Variants in MPHOSPH8 observed in about 807,000 individuals in gnomAD.
MPHOSPH8 encodes the protein M-phase phosphoprotein, mpp.
MPHOSPH8 carries 45 observed loss-of-function variants against 87.3 expected under a neutral mutation model. That is an observed-to-expected ratio of 0.52 (90% CI 0.41 to 0.66). The LOEUF (loss-of-function observed/expected upper bound fraction) is 0.66, where lower values mean the gene tolerates loss of function less well. Among genes scored for constraint, MPHOSPH8 ranks in the 30% least tolerant of loss-of-function variants. MPHOSPH8 has a pLI of 0.00. For synonymous variants in MPHOSPH8, 366 were observed against 376.9 expected, an observed-to-expected ratio of 0.97 and a Z score of 0.33; for missense variants, 883 against 1,020.2, an observed-to-expected ratio of 0.87 and a Z score of 1.83.
intron 5 of MPHOSPH8, among the ~76,000 whole-genome samples, chr13:19,656,277 CAAAAAA>C (rs71198922): frequency 1.4e-5 from 1 of 72,246 alleles, no homozygotes; most frequent in Non-Finnish European, 2.3e-5. Context: ...AGACTGTTGT[CAAAAAA>C]AAAAAAAAAA....
At chr13:19,646,226 C>A (rs909838564) in intron 2 of MPHOSPH8, among the ~76,000 whole-genome samples, 1 of 152,112 alleles carries the variant, frequency 6.6e-6, no homozygotes, top group African/African-American at 2.4e-5. Flanking sequence ...TCTGTGCACC[C>A]CTGCCTTCCA....
chr13:19,645,254 A>G (rs1874505836), intron 2 of MPHOSPH8, among the ~76,000 whole-genome samples: 1 of 152,168 alleles, frequency 6.6e-6, no homozygotes, highest in Non-Finnish European at 1.5e-5. Context: ...TCCACACCAC[A>G]TGGGCCTTAC....
At chr13:19,648,252 T>G (rs779522412) in intron 3 of MPHOSPH8, among the ~76,000 whole-genome samples, 170 bp from the exon 4 acceptor site, 11 of 152,048 alleles carry the variant, frequency 7.2e-5, no homozygotes, top group Non-Finnish European at 1.5e-4. Context: ...TATGGTTGAC[T>G]GAGGAAGCAA....
Position 19,663,143 on chromosome 13 carries a change from G to A in MPHOSPH8, c.2019+17G>A, listed in dbSNP as rs779460949. On this transcript the variant is annotated intron_variant, in intron 9 of 13. Transcript: ENST00000361479. ...CTGATGAAGGTAAATCCCTCCTGCA[G>A]GTCATCCCTTTCTTCACTACGTTGG... 20 of 1,601,500 alleles carry A rather than the reference G, an allele frequency of 1.2e-5. No individual in the cohort carries two copies. The highest frequency in any genetic ancestry group is 3.3e-5 in the Admixed American group (2 of 59,872).
Position 19,656,684 on chromosome 13 carries a change from G to A in MPHOSPH8, c.1577-2311G>A, listed in dbSNP as rs9551938. On this transcript the variant is annotated intron_variant, in intron 5 of 13. Transcript: ENST00000361479. The stretch of plus-strand genomic sequence containing the variant: ...CTGAGGCAGGAGAATCGCTTCAACC[G>A]GGAAGGCGGAGGTTGCAGTGAGCTG... Among the ~76,000 whole-genome samples the A allele has an allele frequency of 2.1e-4, 32 of 151,190 alleles. No individual in the cohort carries two copies. In the East Asian group the frequency reaches 3.6e-3, roughly 17 times the overall value.
At chr13:19,671,356 T>A in intron 13 of MPHOSPH8, 67 bp downstream of exon 13, 2 of 1,442,026 alleles carry the variant, frequency 1.4e-6, no homozygotes, top group South Asian at 1.2e-5. Flanking sequence ...TTTATCAACA[T>A]TAGAAAAAAA....
Position 19,647,296 on chromosome 13 carries a change from G to A in MPHOSPH8, c.1218+5G>A, listed in dbSNP as rs764714174. The A allele has an allele frequency of 5.7e-6, 9 of 1,575,172 alleles. No homozygotes were observed. Among genetic ancestry groups the A allele is most frequent in the Non-Finnish European group, 7.7e-6 (9 of 1,167,158 alleles). Reference sequence around the variant, plus strand: ...TCCACGGACTCAGCCGAGGAGGTAAGGGCCACGGGAGGCAGCAGAAAACCC... The same window carrying A: ...TCCACGGACTCAGCCGAGGAGGTAAAGGCCACGGGAGGCAGCAGAAAACCC... On this transcript the variant is annotated splice_donor_5th_base_variant and intron_variant, in intron 3 of 13. Coordinates refer to ENST00000361479, the MANE Select transcript of MPHOSPH8 (RefSeq NM_017520.4).
chr13:19,655,323 C>T (rs1009210263), intron 5 of MPHOSPH8, among the ~76,000 whole-genome samples: 1 of 151,996 alleles, frequency 6.6e-6, no homozygotes, highest in Non-Finnish European at 1.5e-5. Context: ...ATTAAAAAAG[C>T]TGGGTGTGGT....
intron 5 of MPHOSPH8, among the ~76,000 whole-genome samples, chr13:19,655,753 C>T (rs1875123743): frequency 6.6e-6 from 1 of 152,098 alleles, no homozygotes; most frequent in Non-Finnish European, 1.5e-5. Context: ...CAACATTATA[C>T]TAAGGTCTAC....
At chr13:19,669,512 A>AC (rs1172384034) in intron 11 of MPHOSPH8, among the ~76,000 whole-genome samples, 4 of 82,116 alleles carry the variant, frequency 4.9e-5, no homozygotes, top group East Asian at 4.6e-4. Context: ...GCATCCACCA[A>AC]CTTTTTTTTT....
At chr13:19,660,460 G>A (rs899024711) in intron 7 of MPHOSPH8, among the ~76,000 whole-genome samples, 8 of 152,070 alleles carry the variant, frequency 5.3e-5, no homozygotes, top group Admixed American at 3.9e-4. Context: ...TAGCTTAGCT[G>A]TGGATTTTTT....
In MPHOSPH8 at chr13:19,659,004, A is replaced by G. The variant is rs1386398253; in HGVS notation, c.1586A>G (p.Gln529Arg). Residue 529 changes from glutamine to arginine, a missense_variant, in exon 6 of 14, where the codon CAG becomes CGG. Physicochemically the swap from Gln to Arg is conservative, Grantham distance 43 (BLOSUM62 1). Around this residue, in one of 3 missense-constraint regions of MPHOSPH8, gnomAD observed 741 missense variants for 841.5 expected, o/e 0.88. Coordinates refer to ENST00000361479, the MANE Select transcript of MPHOSPH8 (RefSeq NM_017520.4). ...CTATTGTGTGTTCCAGATGGCAGGC[A>G]GCAGATTCTGAGTTTGGGCATGGAC... ...CQADENSDGR[Q>R]QILSLGMDLQ... The G allele has an allele frequency of 6.2e-7, 1 of 1,613,180 alleles. No individual in the cohort carries two copies. The highest frequency in any genetic ancestry group is 2.2e-5 in the East Asian group (1 of 44,866).
chr13:19,644,911 T>C (rs1593471366), intron 2 of MPHOSPH8, among the ~76,000 whole-genome samples: 1 of 152,356 alleles, frequency 6.6e-6, no homozygotes, highest in South Asian at 2.1e-4. Flanking sequence ...TTCTGTTTTA[T>C]AGACATGTCT....
intron 1 of MPHOSPH8, among the ~76,000 whole-genome samples, chr13:19,635,250 A>G (rs946435687): frequency 2.0e-5 from 3 of 152,170 alleles, no homozygotes; most frequent in Admixed American, 6.5e-5. Context: ...GGCCGGGCGC[A>G]GTGGCTTATA....
chr13:19,661,889 G>A (rs780504105), intron 8 of MPHOSPH8, 51 bp downstream of exon 8: 7 of 1,541,352 alleles, frequency 4.5e-6, no homozygotes, highest in Middle Eastern at 1.8e-4. Context: ...TATTCCTGCC[G>A]ATGGACTGAG....
At chr13:19,652,989 G>A (rs1176180152) in intron 5 of MPHOSPH8, among the ~76,000 whole-genome samples, 5 of 151,926 alleles carry the variant, frequency 3.3e-5, no homozygotes, top group South Asian at 2.1e-4. Flanking sequence ...GGGAAGGGGC[G>A]GCTGTGGGCG....
At chr13:19,636,455 G>A (rs1783943163) in intron 1 of MPHOSPH8, among the ~76,000 whole-genome samples, 1 of 151,848 alleles carries the variant, frequency 6.6e-6, no homozygotes, top group Non-Finnish European at 1.5e-5. Context: ...AGAGTAAGCA[G>A]AGAATTAAAT....
intron 5 of MPHOSPH8, among the ~76,000 whole-genome samples, chr13:19,651,479 A>G (rs920205026): frequency 2.6e-5 from 4 of 151,632 alleles, no homozygotes; most frequent in African/African-American, 9.7e-5. Flanking sequence ...GTGAGCTGAA[A>G]TCACACCACA....
intron 3 of MPHOSPH8, 111 bp from the exon 4 acceptor site, chr13:19,648,311 G>C: frequency 1.7e-6 from 1 of 576,598 alleles, no homozygotes; most frequent in Non-Finnish European, 3.0e-6. Context: ...ATGTACCACA[G>C]TATACAAGGG....
Sources: allele counts gnomAD v4.1 joint callset (sites outside exome capture counted in the v4.1 genomes callset), GRCh38; gene constraint gnomAD v4.1.1; regional missense constraint gnomAD v4.1.1; transcripts MANE v1.5; gene names NCBI Gene and HGNC (gene_info 2026-07-23, HGNC 2026-07-21).